SLC10A1: variants seen among roughly 807,000 people sequenced by gnomAD.
The protein encoded by SLC10A1 is hepatic sodium/bile acid cotransporter.
In SLC10A1, 36 loss-of-function variants were observed where a neutral mutation model predicts 20.5. That is an observed-to-expected ratio of 1.75 (90% CI 1.34 to 2.32). SLC10A1 has a LOEUF of 2.32. Among genes scored for constraint, SLC10A1 ranks in the 30% most tolerant of loss-of-function variants. The pLI, the probability that SLC10A1 is intolerant of heterozygous loss-of-function variation, is 0.00. For missense variants in SLC10A1, 545 were observed against 439.1 expected (o/e 1.24, Z -2.16); for synonymous variants, 188 against 163.6 (o/e 1.15, Z -1.14).
chr14:69,781,680 T>G (rs1883595614), intron 2 of SLC10A1, among the ~76,000 whole-genome samples: 3 of 151,956 alleles, frequency 2.0e-5, no homozygotes, highest in Admixed American at 2.0e-4. Flanking sequence ...TATTAAAGAG[T>G]GGTGGATGGC....
Position 69,796,919 on chromosome 14 carries a change from C to T in SLC10A1, c.237G>A (p.Leu79=), listed in dbSNP as rs761126161. The T allele has an allele frequency of 6.2e-7, 1 of 1,614,184 alleles. No homozygotes were observed. Among genetic ancestry groups the T allele is most frequent in the Admixed American group, 1.7e-5 (1 of 60,024 alleles). Residue 79 remains leucine (L), a synonymous_variant, in exon 1 of 5, where the codon CTG becomes CTA. Coordinates refer to ENST00000216540, the MANE Select transcript of SLC10A1 (RefSeq NM_003049.4). ...YGIMPLTAFV[L]GKVFRLKNIE... ...TGTTCTTCAGCCGGAAGACCTTGCC[C>T]AGCACAAAGGCCGTGAGGGGCATGA...
At position 69,776,096 on chromosome 14, in the gene SLC10A1, T is replaced by C; in HGVS notation, c.*186A>G. ...TAAGTAGCAAATTCTAAGTTGGGGA[T>C]AGGTGAGGCTTCTTGGGTAGACACC... is the stretch of plus-strand genomic sequence containing the variant. On this transcript the variant is annotated 3_prime_UTR_variant, in exon 5 of 5. Transcript: ENST00000216540. 1 of 566,058 alleles carries C rather than the reference T, an allele frequency of 1.8e-6. No individual in the cohort carries two copies. The highest frequency in any genetic ancestry group is 3.3e-5 in the Admixed American group (1 of 30,000). The allele number at this position is 566,058 out of a possible 1,614,324, so 35.1% of individuals were successfully genotyped here. A position where few individuals can be genotyped will look rare whatever the true frequency, so the allele number is the denominator to read the frequency against.
chr14:69,780,202 A>G (rs771480240), intron 2 of SLC10A1, among the ~76,000 whole-genome samples: 2 of 152,188 alleles, frequency 1.3e-5, no homozygotes, highest in African/African-American at 4.8e-5. Flanking sequence ...ATGCAGGTCT[A>G]CTCTGAATGA....
intron 2 of SLC10A1, among the ~76,000 whole-genome samples, chr14:69,783,319 A>G (rs1883640725): frequency 1.3e-5 from 2 of 152,230 alleles, no homozygotes; most frequent in South Asian, 4.1e-4. Context: ...AGTGGGGAAT[A>G]AAAATGAACA....
At chr14:69,783,539 C>G (rs1051951381) in intron 2 of SLC10A1, among the ~76,000 whole-genome samples, 5 of 152,072 alleles carry the variant, frequency 3.3e-5, no homozygotes, top group Admixed American at 1.3e-4. Context: ...GAAGAGTGTT[C>G]CAGGTGAAGA....
In SLC10A1 at chr14:69,794,076, C is replaced by G. The variant is rs569519811; in HGVS notation, c.356+2724G>C. ...GGGAAACCTCTGGCAAGTCTCTGAC[C>G]TCAGCCTCTTCATGTGTAAAATGGG... On this transcript the variant is annotated intron_variant, in intron 1 of 4. Transcript: ENST00000216540. Among the ~76,000 whole-genome samples the G allele has an allele frequency of 4.6e-5, 7 of 152,274 alleles. No homozygotes were observed. In the South Asian group the frequency reaches 1.5e-3, roughly 32 times the overall value.
At chr14:69,791,277 A>G (rs1210894185) in intron 1 of SLC10A1, among the ~76,000 whole-genome samples, 2 of 152,086 alleles carry the variant, frequency 1.3e-5, no homozygotes, top group Non-Finnish European at 2.9e-5. Context: ...CAAGTGAAAG[A>G]GTAAAAGGCT....
At chr14:69,776,788 C>G (rs4646296) in intron 4 of SLC10A1, among the ~76,000 whole-genome samples, 9,758 of 152,288 alleles carry the variant, frequency 0.064, 429 homozygotes, top group East Asian at 0.084. Context: ...CCCAATTGAT[C>G]TACCTCTTCT....
At chr14:69,793,595 C>T (rs911553397) in intron 1 of SLC10A1, among the ~76,000 whole-genome samples, 3 of 152,178 alleles carry the variant, frequency 2.0e-5, no homozygotes, top group Admixed American at 6.5e-5. Context: ...AAGTGGAAAA[C>T]TTCTGGGACC....
intron 2 of SLC10A1, among the ~76,000 whole-genome samples, chr14:69,779,866 A>G (rs1288512192): frequency 4.6e-5 from 7 of 152,230 alleles, no homozygotes; most frequent in Non-Finnish European, 7.3e-5. Context: ...TGGAACTTAT[A>G]TACACATTCC....
intron 4 of SLC10A1, among the ~76,000 whole-genome samples, chr14:69,777,869 A>C (rs954767271): frequency 6.7e-6 from 1 of 149,698 alleles, no homozygotes; most frequent in Non-Finnish European, 1.5e-5. Context: ...GGGTTATATT[A>C]GGGTGCATTG....
Position 69,779,286 on chromosome 14 carries a change from G to T in SLC10A1, c.642C>A (p.Ile214=). ...VLSAINVGKS[I]MFAMTPLLIA... The stretch of plus-strand genomic sequence containing the variant: ...TCAAGAGTGGTGTCATGGCAAACAT[G>T]ATGCTCTTCCCCACATTGATGGCAG... Residue 214 remains isoleucine (I), a synonymous_variant, in exon 3 of 5, where the codon ATC becomes ATA. Transcript: ENST00000216540. 2 of 1,613,944 alleles carry T rather than the reference G, an allele frequency of 1.2e-6. No individual in the cohort carries two copies. Among genetic ancestry groups the T allele is most frequent in the Non-Finnish European group, 1.7e-6 (2 of 1,179,900 alleles).
At chr14:69,779,925 C>A (rs574798838) in intron 2 of SLC10A1, among the ~76,000 whole-genome samples, 1 of 152,308 alleles carries the variant, frequency 6.6e-6, no homozygotes, top group South Asian at 2.1e-4. Context: ...GAGAACTTGT[C>A]ATACATATTT....
At chr14:69,795,208 T>C (rs1156358465) in intron 1 of SLC10A1, among the ~76,000 whole-genome samples, 1 of 152,168 alleles carries the variant, frequency 6.6e-6, no homozygotes, top group Non-Finnish European at 1.5e-5. Context: ...GAAAGCATTT[T>C]CTCACAGTGA....
chr14:69,777,837 C>CTTTTT (rs4646292), intron 4 of SLC10A1, among the ~76,000 whole-genome samples: 1 of 144,700 alleles, frequency 6.9e-6, no homozygotes. Flanking sequence ...GTTGAGGAAT[C>CTTTTT]TTTTTTTTTT....
At chr14:69,792,584 A>C (rs1161593302) in intron 1 of SLC10A1, among the ~76,000 whole-genome samples, 1 of 152,252 alleles carries the variant, frequency 6.6e-6, no homozygotes, top group Non-Finnish European at 1.5e-5. Context: ...ATCTTCAGAC[A>C]CTGCTAGGGA....
chr14:69,779,800 C>T (rs780732908), intron 2 of SLC10A1, among the ~76,000 whole-genome samples: 3 of 151,944 alleles, frequency 2.0e-5, no homozygotes, highest in East Asian at 1.9e-4. Context: ...TGAAGTGTTA[C>T]GTGAGGCTAT....
At chr14:69,779,492 G>C in intron 2 of SLC10A1, 132 bp from the exon 3 acceptor site, 73 of 584,594 alleles carry the variant, frequency 1.2e-4, no homozygotes, top group Middle Eastern at 3.8e-4. Context: ...GAATATGAAA[G>C]ACCTTTATCT....
chr14:69,780,338 T>G (rs187117057), intron 2 of SLC10A1, among the ~76,000 whole-genome samples: 3 of 152,266 alleles, frequency 2.0e-5, no homozygotes, highest in African/African-American at 7.2e-5. Flanking sequence ...TAAACAGGTA[T>G]GTGTAAATTT....
Sources: gnomAD v4.1 joint callset for allele counts (sites outside exome capture counted in the v4.1 genomes callset) on GRCh38, gnomAD v4.1.1 for gene constraint, MANE v1.5 for transcripts, NCBI Gene and HGNC (gene_info 2026-07-23, HGNC 2026-07-21) for gene names.